Variants in ARPC4 observed in about 807,000 individuals in gnomAD.
The protein encoded by ARPC4 is actin-related protein 2/3 complex subunit 4.
ARPC4 carries 3 observed loss-of-function variants against 22.8 expected under a neutral mutation model. The observed-to-expected ratio is 0.13, with a 90% confidence interval of 0.06 to 0.34. ARPC4 has a LOEUF of 0.34. ARPC4 is among the 10% of genes least tolerant of loss of function. The pLI is 1.00. For missense variants in ARPC4, 98 were observed against 211.0 expected (o/e 0.46, Z 3.32); for synonymous variants, 80 against 72.5 (o/e 1.10, Z -0.52).
In ARPC4 at chr3:9,794,439, C is replaced by CA. The variant is rs575429110; in HGVS notation, c.3+1316dup. On this transcript the variant is annotated intron_variant, in intron 1 of 5. Coordinates refer to ENST00000397261, the MANE Select transcript of ARPC4 (RefSeq NM_005718.5). ...GCGTGAACCCAGAAAGCAGAGCTTGCAGTGAGTCGAGATCGTGCCACTGCA... is the reference window on the plus strand; with the variant it reads ...GCGTGAACCCAGAAAGCAGAGCTTGCAAGTGAGTCGAGATCGTGCCACTGCA... Among the ~76,000 whole-genome samples, 125 of 152,184 alleles carry CA rather than the reference C, an allele frequency of 8.2e-4. 1 individual carries two copies. The highest frequency in any genetic ancestry group is 2.8e-3 in the African/African-American group (118 of 41,494).
chr3:9,806,455 G>T lies in ARPC4; in HGVS notation c.*240G>T. 7 of 508,622 alleles carry T rather than the reference G, an allele frequency of 1.4e-5. No individual in the cohort carries two copies. The highest frequency in any genetic ancestry group is 3.7e-5 in the East Asian group (1 of 27,356). The allele number at this position is 508,622 out of a possible 1,614,324, so 31.5% of individuals were successfully genotyped here. A position where few individuals can be genotyped will look rare whatever the true frequency, so the allele number is the denominator to read the frequency against. On this transcript the variant is annotated 3_prime_UTR_variant, in exon 6 of 6. Transcript: ENST00000397261. Reference sequence around the variant, plus strand: ...ATGTTCAGTCCCCTGGGCCGGGACAGATTTTTTTTAACGTCTTGAAACTTA... The same window carrying T: ...ATGTTCAGTCCCCTGGGCCGGGACATATTTTTTTTAACGTCTTGAAACTTA...
chr3:9,796,383 A>G (rs1362713363), intron 1 of ARPC4, among the ~76,000 whole-genome samples: 1 of 152,174 alleles, frequency 6.6e-6, no homozygotes, highest in Non-Finnish European at 1.5e-5. Context: ...GACAGAAGCG[A>G]GACTCCCTCT....
chr3:9,794,388 A>G (rs2078833636), intron 1 of ARPC4, among the ~76,000 whole-genome samples: 2 of 152,110 alleles, frequency 1.3e-5, no homozygotes, highest in South Asian at 4.1e-4. Context: ...AGTCCCAGCT[A>G]CTCAGGAGGC....
At position 9,793,136 on chromosome 3, in the gene ARPC4, GGGCCCCCGGCCAGGGACCCCCGGCTGTTC is replaced by G; in HGVS notation, c.3+17_3+45del. On this transcript the variant is annotated intron_variant, in intron 1 of 5. Transcript: ENST00000397261. ...CAGCGCCCGCGATGGTGAGAGAGCCGGGCCCCCGGCCAGGGACCCCCGGCTGTTCGGCCTCAGGGCAGTGGGTCGGTGGG... is the reference window on the plus strand; with the variant it reads ...CAGCGCCCGCGATGGTGAGAGAGCCGGGCCTCAGGGCAGTGGGTCGGTGGG... The G allele has an allele frequency of 6.5e-7, 1 of 1,542,060 alleles. No individual in the cohort carries two copies. The highest frequency in any genetic ancestry group is 1.7e-4 in the Middle Eastern group (1 of 5,914).
At chr3:9,792,742 C>T, upstream of ARPC4, 1 of 1,243,186 alleles carries the variant, frequency 8.0e-7, no homozygotes. Context: ...GGTACAGAAC[C>T]GGAAGAAACG....
chr3:9,793,004 T>C (rs2078780649), upstream of ARPC4: 29 of 1,513,032 alleles, frequency 1.9e-5, no homozygotes, highest in Non-Finnish European at 2.4e-5. Flanking sequence ...GCTCGGAGCA[T>C]AGATGGTACC....
intron 5 of ARPC4, chr3:9,804,313 C>T (rs923990417): frequency 3.8e-5 from 10 of 261,612 alleles, no homozygotes; most frequent in East Asian, 2.2e-4. Context: ...GCCTCTATCT[C>T]GTTTAAACCC....
intron 2 of ARPC4, chr3:9,798,084 G>T: frequency 2.9e-5 from 6 of 204,178 alleles, no homozygotes; most frequent in East Asian, 1.2e-4. Flanking sequence ...GGAATGGTCA[G>T]ATAATTGTTA....
intron 4 of ARPC4, chr3:9,803,603 G>A: frequency 1.5e-6 from 1 of 660,542 alleles, no homozygotes; most frequent in Non-Finnish European, 2.8e-6. Context: ...GCCACAGATA[G>A]TTTTCCAGAG....
At chr3:9,804,183 C>G (rs1329295079) in intron 5 of ARPC4, 170 bp downstream of exon 5, 2 of 625,152 alleles carry the variant, frequency 3.2e-6, no homozygotes, top group Non-Finnish European at 5.3e-6. Flanking sequence ...CTAGAGGACC[C>G]CAAGTTCATC....
intron 5 of ARPC4, 49 bp downstream of exon 5, chr3:9,804,062 G>A: frequency 6.3e-7 from 1 of 1,599,218 alleles, no homozygotes; most frequent in South Asian, 1.1e-5. Context: ...GGATCTGGGG[G>A]TCATGTTGAG....
chr3:9,797,685 T>C lies in ARPC4; in HGVS notation c.30T>C (p.Ser10=). MTATLRPYL[S]AVRATLQAAL... ...CTGCCACTCTCCGCCCCTACCTGAG[T>C]GCCGTGCGGGCCACATTGCAGGCTG... Residue 10 remains serine (S), a synonymous_variant, in exon 2 of 6, where the codon AGT becomes AGC. Coordinates refer to ENST00000397261, the MANE Select transcript of ARPC4 (RefSeq NM_005718.5). The C allele has an allele frequency of 6.2e-7, 1 of 1,614,092 alleles. No individual in the cohort carries two copies. The highest frequency in any genetic ancestry group is 8.5e-7 in the Non-Finnish European group (1 of 1,179,998).
At chr3:9,798,705 C>T (rs1277482444) in intron 2 of ARPC4, among the ~76,000 whole-genome samples, 1 of 152,022 alleles carries the variant, frequency 6.6e-6, no homozygotes, top group Non-Finnish European at 1.5e-5. Flanking sequence ...GAAACCTTGT[C>T]TCTACTAAAA....
intron 5 of ARPC4, 59 bp downstream of exon 5, chr3:9,804,072 G>C: frequency 1.3e-6 from 2 of 1,585,330 alleles, no homozygotes; most frequent in East Asian, 2.2e-5. Flanking sequence ...GTCATGTTGA[G>C]AACTTAGCAT....
At chr3:9,797,824 A>G in intron 2 of ARPC4, 47 bp downstream of exon 2, 1 of 1,576,416 alleles carries the variant, frequency 6.3e-7, no homozygotes, top group Non-Finnish European at 8.7e-7. Context: ...CAGCACACAG[A>G]GATGGCTGCT....
At chr3:9,803,338 C>G (rs1390661796) in intron 4 of ARPC4, among the ~76,000 whole-genome samples, 1 of 152,218 alleles carries the variant, frequency 6.6e-6, no homozygotes, top group East Asian at 1.9e-4. Flanking sequence ...TCATCAGACA[C>G]GTCAGGCGTG....
intron 1 of ARPC4, among the ~76,000 whole-genome samples, chr3:9,796,562 G>A (rs899271578): frequency 1.3e-5 from 2 of 152,192 alleles, no homozygotes; most frequent in African/African-American, 4.8e-5. Context: ...AGATGGTCAA[G>A]CATGTGTAAA....
intron 2 of ARPC4, chr3:9,797,997 C>T: frequency 3.7e-6 from 2 of 544,400 alleles, no homozygotes; most frequent in East Asian, 3.2e-5. Flanking sequence ...GATTGGTTAA[C>T]ACAAGGTATG....
At position 9,797,806 on chromosome 3, in the gene ARPC4, GA is replaced by G. The variant is rs1474234920; in HGVS notation, c.122+30del. The G allele has an allele frequency of 3.1e-6, 5 of 1,607,090 alleles. No homozygotes were observed. In the East Asian group the frequency reaches 6.7e-5, roughly 21 times the overall value. On this transcript the variant is annotated intron_variant, in intron 2 of 5. Coordinates refer to ENST00000397261, the MANE Select transcript of ARPC4 (RefSeq NM_005718.5). ...GGGAAGGACAAGTCAAGGTGGGGAT[GA>G]GGGGTGCAGCACACAGAGATGGCTG...
Sources: gnomAD v4.1 joint callset for allele counts (sites outside exome capture counted in the v4.1 genomes callset) on GRCh38, gnomAD v4.1.1 for gene constraint, MANE v1.5 for transcripts, NCBI Gene and HGNC (gene_info 2026-07-23, HGNC 2026-07-21) for gene names.